The following ARSB variants were observed in gnomAD, a reference collection of about 807,000 sequenced individuals.
ARSB encodes the protein arylsulfatase B, also known as N-acetylgalactosamine-4-sulfatase.
A neutral mutation model predicts 50.9 loss-of-function variants in ARSB; 41 were observed. That is an observed-to-expected ratio of 0.81 (90% CI 0.63 to 1.04). ARSB has a LOEUF of 1.04. Among genes scored for constraint, ARSB ranks in the 50% least tolerant of loss-of-function variants. The pLI, the probability that ARSB is intolerant of heterozygous loss-of-function variation, is 0.00. For synonymous variants in ARSB, 269 were observed against 284.8 expected, an observed-to-expected ratio of 0.94 and a Z score of 0.56; for missense variants, 672 against 693.3, an observed-to-expected ratio of 0.97 and a Z score of 0.35.
At chr5:78,946,768 G>A (rs1751254093) in intron 4 of ARSB, among the ~76,000 whole-genome samples, 1 of 151,988 alleles carries the variant, frequency 6.6e-6, no homozygotes, top group South Asian at 2.1e-4. Flanking sequence ...CATAGAAAGA[G>A]AAAAAATAAT....
At chr5:78,825,031 C>T (rs1744375273) in intron 6 of ARSB, among the ~76,000 whole-genome samples, 1 of 152,106 alleles carries the variant, frequency 6.6e-6, no homozygotes, top group Admixed American at 6.6e-5. Context: ...CAAAAGTAGG[C>T]CTACGGTCAG....
chr5:78,839,498 T>A, intron 5 of ARSB, 72 bp from the exon 6 acceptor site: 1 of 1,365,838 alleles, frequency 7.3e-7, no homozygotes, highest in South Asian at 1.2e-5. Flanking sequence ...ATACTTCCCT[T>A]CCTTGTACTT....
At chr5:78,858,594 C>A (rs1335835702) in intron 5 of ARSB, among the ~76,000 whole-genome samples, 1 of 152,194 alleles carries the variant, frequency 6.6e-6, no homozygotes, top group Admixed American at 6.5e-5. Flanking sequence ...TTCCATACTT[C>A]TTTTACCACT....
chr5:78,952,744 C>G (rs527603147), intron 4 of ARSB, among the ~76,000 whole-genome samples: 17 of 152,180 alleles, frequency 1.1e-4, no homozygotes, highest in Non-Finnish European at 8.8e-5. Flanking sequence ...TTTAAGCCCA[C>G]GTACAATACA....
In ARSB at chr5:78,955,479, G is replaced by A; in HGVS notation, c.714C>T (p.Leu238=). 6.2e-7 allele frequency: 1 copy of A among 1,614,098 alleles called. No homozygotes were observed. The highest frequency in any genetic ancestry group is 1.1e-5 in the South Asian group (1 of 91,076). ...CCTGAAGGGGCTCATGCACAGACTG[G>A]AGAGCAAGGTAGAGAAACAGAGGCT... ...PEKPLFLYLA[L]QSVHEPLQVP... The change falls in exon 4 of 8, where the codon CTC becomes CTT. Residue 238 remains leucine (L), a synonymous_variant. Coordinates refer to ENST00000264914, the MANE Select transcript of ARSB (RefSeq NM_000046.5).
intron 4 of ARSB, among the ~76,000 whole-genome samples, chr5:78,953,725 T>C (rs947346750): frequency 1.3e-5 from 2 of 152,168 alleles, no homozygotes; most frequent in Admixed American, 6.6e-5. Flanking sequence ...CAAGAATCTC[T>C]AGGGATTTGA....
intron 6 of ARSB, among the ~76,000 whole-genome samples, chr5:78,819,010 G>C (rs1163075449): frequency 6.6e-6 from 1 of 152,214 alleles, no homozygotes; most frequent in African/African-American, 2.4e-5. Flanking sequence ...ACAGTGAGCA[G>C]TGAATACCCG....
chr5:78,930,611 T>C (rs192495459), intron 4 of ARSB, among the ~76,000 whole-genome samples: 88 of 152,330 alleles, frequency 5.8e-4, no homozygotes, highest in African/African-American at 2.0e-3. Flanking sequence ...ATCTCTGAAA[T>C]ATTTTCTCAT....
intron 5 of ARSB, among the ~76,000 whole-genome samples, chr5:78,863,263 A>C (rs1310712914): frequency 6.6e-6 from 1 of 152,150 alleles, no homozygotes; most frequent in Non-Finnish European, 1.5e-5. Flanking sequence ...CTGGGTATAT[A>C]CCCAAAGGAT....
At chr5:78,915,285 G>C (rs949335760) in intron 4 of ARSB, among the ~76,000 whole-genome samples, 2 of 151,508 alleles carry the variant, frequency 1.3e-5, no homozygotes, top group Non-Finnish European at 2.9e-5. Flanking sequence ...CTAGGCCCTT[G>C]GCTTTTTTTT....
intron 5 of ARSB, among the ~76,000 whole-genome samples, chr5:78,843,714 A>C (rs1488240564): frequency 6.6e-6 from 1 of 152,038 alleles, no homozygotes; most frequent in Non-Finnish European, 1.5e-5. Flanking sequence ...TTCATTTTCT[A>C]CTTCACTCCC....
chr5:78,873,351 CAAAATAAAGAA>C (rs1205221069), intron 5 of ARSB, among the ~76,000 whole-genome samples: 1 of 150,534 alleles, frequency 6.6e-6, no homozygotes, highest in African/African-American at 2.4e-5. Flanking sequence ...ATAATTAATT[CAAAATAAAGAA>C]AAAATAAAGA....
At chr5:78,980,320 A>G (rs1013793633) in intron 1 of ARSB, among the ~76,000 whole-genome samples, 2 of 152,252 alleles carry the variant, frequency 1.3e-5, no homozygotes, top group South Asian at 4.1e-4. Context: ...TTACAAATGC[A>G]TCTATCCTTA....
intron 4 of ARSB, among the ~76,000 whole-genome samples, chr5:78,936,185 C>T (rs532123190): frequency 1.4e-5 from 2 of 138,214 alleles, no homozygotes; most frequent in African/African-American, 5.6e-5. Flanking sequence ...AGTGCAGTGG[C>T]GCTATCTCAG....
chr5:78,895,494 T>C (rs1235586981), intron 4 of ARSB, among the ~76,000 whole-genome samples: 1 of 152,220 alleles, frequency 6.6e-6, no homozygotes, highest in Middle Eastern at 3.2e-3. Context: ...TTCCTGTCAT[T>C]AATCCTATTT....
At chr5:78,896,966 C>A in intron 4 of ARSB, among the ~76,000 whole-genome samples, 1 of 151,498 alleles carries the variant, frequency 6.6e-6, no homozygotes, top group East Asian at 1.9e-4. Flanking sequence ...CAGGTTCAAC[C>A]CTAAAAGACA....
At chr5:78,895,885 T>G (rs987856880) in intron 4 of ARSB, among the ~76,000 whole-genome samples, 1 of 152,156 alleles carries the variant, frequency 6.6e-6, no homozygotes, top group African/African-American at 2.4e-5. Flanking sequence ...CTAAAGGACA[T>G]GGCTGTGACC....
At chr5:78,832,350 G>T (rs1259878131) in intron 6 of ARSB, among the ~76,000 whole-genome samples, 1 of 152,196 alleles carries the variant, frequency 6.6e-6, no homozygotes, top group African/African-American at 2.4e-5. Flanking sequence ...TTCCAGCAGG[G>T]TGGGGAGAGG....
intron 1 of ARSB, among the ~76,000 whole-genome samples, chr5:78,972,545 C>CACACACACACACACACA (rs1752501584): frequency 5.6e-5 from 4 of 71,992 alleles, no homozygotes; most frequent in African/African-American, 3.0e-4. Flanking sequence ...ACACACACAC[C>CACACACACACACACACA]CCAAATCAAA....
Sources: gnomAD v4.1 joint callset for allele counts (sites outside exome capture counted in the v4.1 genomes callset) on GRCh38, gnomAD v4.1.1 for gene constraint, MANE v1.5 for transcripts, NCBI Gene and HGNC (gene_info 2026-07-23, HGNC 2026-07-21) for gene names.